PRKCG: variants seen among roughly 807,000 people sequenced by gnomAD.
The protein encoded by PRKCG is protein kinase C gamma type.
A neutral mutation model predicts 82.0 loss-of-function variants in PRKCG; 28 were observed. The observed-to-expected ratio is 0.34, with a 90% CI of 0.25 to 0.47. The LOEUF is 0.47. PRKCG is among the 20% of genes least tolerant of loss of function. The pLI is 1.00. For missense variants in PRKCG, 640 were observed against 952.7 expected, an observed-to-expected ratio of 0.67 and a Z score of 4.32; for synonymous variants, 383 against 376.6, an observed-to-expected ratio of 1.02 and a Z score of -0.20.
rs955925871 is a variant in PRKCG at position 53,907,530 on chromosome 19, A to T, written c.*635A>T. 1 of 155,804 alleles carries T rather than the reference A, an allele frequency of 6.4e-6. No individual in the cohort carries two copies. Among genetic ancestry groups the T allele is most frequent in the African/African-American group, 2.4e-5 (1 of 41,148 alleles). 9.7% of individuals were successfully genotyped at this position (155,804 alleles called of 1,614,324 possible). On this transcript the variant is annotated 3_prime_UTR_variant, in exon 18 of 18. Coordinates refer to ENST00000263431, the MANE Select transcript of PRKCG (RefSeq NM_002739.5). ...CGTGCATGGCTCCTGTCTGGCTCGG[A>T]CCCACCCCAACTCTCCCCAGTGCCT...
In PRKCG at chr19:53,892,955, G is replaced by T. The variant is rs201381959; in HGVS notation, c.822-33G>T. On this transcript the variant is annotated intron_variant, in intron 7 of 17. Transcript: ENST00000263431. This position sits in a 1 kb window ranked among gnomAD's most constrained non-coding sequence, Gnocchi z 5.9. Reference sequence around the variant, plus strand: ...CCTCTCCCATGGGTGCCCCATCCCCGCTGCCCGCCTCTGGTCTCCGTCTGT... The same window carrying T: ...CCTCTCCCATGGGTGCCCCATCCCCTCTGCCCGCCTCTGGTCTCCGTCTGT... 1.9e-6 allele frequency: 3 copies of T among 1,600,506 alleles called. No individual in the cohort carries two copies. Among genetic ancestry groups the T allele is most frequent in the Non-Finnish European group, 2.6e-6 (3 of 1,168,686 alleles).
chr19:53,902,890 C>CAAAAAAAAAAAAA (rs56955659), intron 14 of PRKCG, among the ~76,000 whole-genome samples, 183 bp from the exon 15 acceptor site: 14 of 19,974 alleles, frequency 7.0e-4, no homozygotes, highest in African/African-American at 1.2e-3. Flanking sequence ...GAGACCCTGT[C>CAAAAAAAAAAAAA]AAAAAAAAAA....
chr19:53,891,001 C>T (rs548611885), intron 5 of PRKCG, among the ~76,000 whole-genome samples: 4 of 152,230 alleles, frequency 2.6e-5, no homozygotes, highest in South Asian at 4.1e-4. Context: ...ATCCGCCCGC[C>T]TCCGCCTCCC....
At position 53,902,890 on chromosome 19, in the gene PRKCG, CAAAAAAAAAAAA is replaced by C. The variant is rs56955659; in HGVS notation, c.1576-168_1576-157del. ...CCTGGGCAACAGAGTGAGACCCTGT[CAAAAAAAAAAAA>C]AAAAAAAAAAAAAACGAAACAAAAA... On this transcript the variant is annotated intron_variant, in intron 14 of 17. Transcript: ENST00000263431. Among the ~76,000 whole-genome samples the C allele has an allele frequency of 1.2e-3, 23 of 19,976 alleles. 1 individual carries two copies. The highest frequency in any genetic ancestry group is 2.9e-3 in the Admixed American group (4 of 1,382). The allele number at this position is 19,976 out of a possible 152,430, so 13.1% of individuals were successfully genotyped here.
chr19:53,891,841 G>A lies in PRKCG; in HGVS notation c.686+11G>A. On this transcript the variant is annotated intron_variant, in intron 6 of 17. Coordinates refer to ENST00000263431, the MANE Select transcript of PRKCG (RefSeq NM_002739.5). ...TGAGACCTTTGTGTTGTGAGTCTGG[G>A]GTGCAGGGAAGGCAATGACAGCTGA... is the stretch of plus-strand genomic sequence containing the variant. 6.2e-7 allele frequency: 1 copy of A among 1,613,938 alleles called. No individual in the cohort carries two copies. The highest frequency in any genetic ancestry group is 1.1e-5 in the South Asian group (1 of 91,074).
chr19:53,883,097 G>C lies in PRKCG; in HGVS notation c.171-66G>C. The C allele has an allele frequency of 2.5e-6, 4 of 1,596,730 alleles. No individual in the cohort carries two copies. Among genetic ancestry groups the C allele is most frequent in the Non-Finnish European group, 3.4e-6 (4 of 1,164,578 alleles). On this transcript the variant is annotated intron_variant, in intron 1 of 17. Transcript: ENST00000263431. The surrounding 1 kb of genome is among the most constrained non-coding windows in gnomAD (Gnocchi z 5.4). ...GGGTCAGAGAGCGCAGGCCCCCTGT[G>C]GCTCGCAGAGGTTGGGGGTCCAGGT... is the stretch of plus-strand genomic sequence containing the variant.
In PRKCG at chr19:53,882,266, G is replaced by C. The variant is rs757854018; in HGVS notation, c.-229G>C. ...CGTGCCTCCGGCTGCCGGCGCCCCTGCCTTTGGCTCTTCCTCCCCACTCGC... is the reference window on the plus strand; with the variant it reads ...CGTGCCTCCGGCTGCCGGCGCCCCTCCCTTTGGCTCTTCCTCCCCACTCGC... On this transcript the variant is annotated 5_prime_UTR_variant, in exon 1 of 18. Coordinates refer to ENST00000263431, the MANE Select transcript of PRKCG (RefSeq NM_002739.5). The surrounding 1 kb of genome is among the most constrained non-coding windows in gnomAD (Gnocchi z 6.1). 9.8e-6 allele frequency: 6 copies of C among 612,366 alleles called. No homozygotes were observed. The South Asian group carries it at 1.0e-4, about 10-fold the overall frequency. The allele number at this position is 612,366 out of a possible 1,614,324, so 37.9% of individuals were successfully genotyped here.
chr19:53,900,722 C>T lies in PRKCG; in HGVS notation c.1548C>T (p.Cys516=), dbSNP rs773242833. The T allele has an allele frequency of 4.3e-6, 7 of 1,614,078 alleles. No individual in the cohort carries two copies. Among genetic ancestry groups the T allele is most frequent in the Admixed American group, 3.3e-5 (2 of 60,008 alleles). ...CCGGGACGACAACCCGCACCTTCTG[C>T]GGGACCCCGGACTACATAGCCCCGG... is the stretch of plus-strand genomic sequence containing the variant. The part of the protein sequence containing the change: ...VFPGTTTRTF[C]GTPDYIAPEI... The change falls in exon 14 of 18, where the codon TGC becomes TGT. Residue 516 remains cysteine (C), a synonymous_variant. Coordinates refer to ENST00000263431, the MANE Select transcript of PRKCG (RefSeq NM_002739.5). The surrounding 1 kb of genome is among the most constrained non-coding windows in gnomAD (Gnocchi z 4.2).
chr19:53,893,335 C>T (rs1228826775), intron 8 of PRKCG, 27 bp from the exon 9 acceptor site: 1 of 1,610,168 alleles, frequency 6.2e-7, no homozygotes, highest in Non-Finnish European at 8.5e-7. Flanking sequence ...CTCTTGGGAC[C>T]CTGACTCTCT....
intron 11 of PRKCG, among the ~76,000 whole-genome samples, chr19:53,899,351 G>C (rs1568759640): frequency 6.6e-6 from 1 of 152,214 alleles, no homozygotes; most frequent in Non-Finnish European, 1.5e-5. Flanking sequence ...GGGCACAGTG[G>C]AGGAGGGTGC....
Position 53,884,298 on chromosome 19 carries a change from C to G in PRKCG, c.285+55C>G. 5 of 1,511,992 alleles carry G rather than the reference C, an allele frequency of 3.3e-6. No individual in the cohort carries two copies. The South Asian group carries it at 4.5e-5, about 14-fold the overall frequency. 93.7% of individuals were successfully genotyped at this position (1,511,992 alleles called of 1,614,324 possible). A position where few individuals can be genotyped will look rare whatever the true frequency, so the allele number is the denominator to read the frequency against. ...TCGGGCCGTGCCCCCGCCCTCACCC[C>G]CTCGGCGTCCGTCCCAATTTCTCCT... On this transcript the variant is annotated intron_variant, in intron 3 of 17. Coordinates refer to ENST00000263431, the MANE Select transcript of PRKCG (RefSeq NM_002739.5). This position sits in a 1 kb window ranked among gnomAD's most constrained non-coding sequence, Gnocchi z 4.6.
At position 53,883,635 on chromosome 19, in the gene PRKCG, G is replaced by C. The variant is rs900610761; in HGVS notation, c.202+441G>C. On this transcript the variant is annotated intron_variant, in intron 2 of 17. Transcript: ENST00000263431. The surrounding 1 kb of genome is among the most constrained non-coding windows in gnomAD (Gnocchi z 5.4). ...GGGCCGGGCGGGGCCGGCAGTTCTG[G>C]GGGGCGGGAGAGGGGGGCGAGTCCT... Among the ~76,000 whole-genome samples, 2 of 149,488 alleles carry C rather than the reference G, an allele frequency of 1.3e-5. No homozygotes were observed. The highest frequency in any genetic ancestry group is 4.9e-5 in the African/African-American group (2 of 40,668).
chr19:53,900,284 C>A lies in PRKCG; in HGVS notation c.1333C>A (p.His445Asn), dbSNP rs1311765439. The A allele has an allele frequency of 1.9e-6, 3 of 1,614,086 alleles. No individual in the cohort carries two copies. Among genetic ancestry groups the A allele is most frequent in the Non-Finnish European group, 2.5e-6 (3 of 1,180,030 alleles). Residue 445 changes from histidine to asparagine, a missense_variant, in exon 12 of 18, where the codon CAC (histidine) becomes AAC (asparagine). His to Asn is a moderately conservative substitution (Grantham distance 68). Around this residue, in one of 7 missense-constraint regions of PRKCG, gnomAD observed 78 missense variants for 105.6 expected, o/e 0.74. Coordinates refer to ENST00000263431, the MANE Select transcript of PRKCG (RefSeq NM_002739.5). This position sits in a 1 kb window ranked among gnomAD's most constrained non-coding sequence, Gnocchi z 4.2. ...CGTCACCGGGGGAGACTTGATGTAC[C>A]ACATTCAACAGCTGGGCAAGTTTAA... ...EYVTGGDLMYHIQQLGKFKEP... is the reference protein window; with the variant it reads ...EYVTGGDLMYNIQQLGKFKEP...
Position 53,902,905 on chromosome 19 carries a change from A to AAC in PRKCG, c.1576-167_1576-166insCA, listed in dbSNP as rs1258090741. On this transcript the variant is annotated intron_variant, in intron 14 of 17. Transcript: ENST00000263431. ...GAGACCCTGTCAAAAAAAAAAAAAAAAAAAAAAAAAACGAAACAAAAAATC... is the reference window on the plus strand; with the variant it reads ...GAGACCCTGTCAAAAAAAAAAAAAAAACAAAAAAAAAAACGAAACAAAAAATC... Among the ~76,000 whole-genome samples, 349 of 150,994 alleles carry AAC rather than the reference A, an allele frequency of 2.3e-3. 3 individuals are homozygous for AAC. Among genetic ancestry groups the AAC allele is most frequent in the African/African-American group, 8.1e-3 (331 of 40,852 alleles).
Position 53,892,044 on chromosome 19 carries a change from C to T in PRKCG, c.686+214C>T, listed in dbSNP as rs2068680413. 6.6e-6 allele frequency among the ~76,000 whole-genome samples: 1 copy of T among 152,038 alleles called. No homozygotes were observed. Among genetic ancestry groups the T allele is most frequent in the Non-Finnish European group, 1.5e-5 (1 of 67,990 alleles). On this transcript the variant is annotated intron_variant, in intron 6 of 17. Transcript: ENST00000263431. The surrounding 1 kb of genome is among the most constrained non-coding windows in gnomAD (Gnocchi z 5.9). ...AGCCAGACCACTGTATAATTAGTCTCCATTGAAGCCCCCAACTTTAGAGTT... is the reference window on the plus strand; with the variant it reads ...AGCCAGACCACTGTATAATTAGTCTTCATTGAAGCCCCCAACTTTAGAGTT...
chr19:53,906,934 C>T lies in PRKCG; in HGVS notation c.*39C>T, dbSNP rs776490487. On this transcript the variant is annotated 3_prime_UTR_variant, in exon 18 of 18. Transcript: ENST00000263431. ...CACTAGGTGTCCCCAACGTCCCCTCCGCCGTGCCGGCGGCAGCCCCACTTC... is the reference window on the plus strand; with the variant it reads ...CACTAGGTGTCCCCAACGTCCCCTCTGCCGTGCCGGCGGCAGCCCCACTTC... 1.9e-6 allele frequency: 3 copies of T among 1,612,506 alleles called. No individual in the cohort carries two copies. Among genetic ancestry groups the T allele is most frequent in the South Asian group, 1.1e-5 (1 of 91,076 alleles).
In PRKCG at chr19:53,892,762, ACACACACACACACACACACG is replaced by A. The variant is rs1028323583; in HGVS notation, c.821+129_821+148del. On this transcript the variant is annotated intron_variant, in intron 7 of 17. Transcript: ENST00000263431. This position sits in a 1 kb window ranked among gnomAD's most constrained non-coding sequence, Gnocchi z 5.9. ...TGCCTCCCAGCATGCGCACACACAC[ACACACACACACACACACACG>A]CACACACACGCACACACCCCTCTCT... 3.7e-6 allele frequency: 4 copies of A among 1,090,022 alleles called. No homozygotes were observed. The African/African-American group carries it at 4.8e-5, about 13-fold the overall frequency. 67.5% of individuals were successfully genotyped at this position (1,090,022 alleles called of 1,614,324 possible).
At chr19:53,893,515 G>T (rs1342612510) in intron 9 of PRKCG, 124 bp downstream of exon 9, 2 of 1,077,270 alleles carry the variant, frequency 1.9e-6, no homozygotes, top group Non-Finnish European at 2.8e-6. Flanking sequence ...TGCTAGGCCT[G>T]TCTTGTGCTT....
Position 53,907,139 on chromosome 19 carries a change from C to A in PRKCG, c.*244C>A. ...AGCCCGATATTCTCCCTGACCTTAG[C>A]GTTCTGGACTCTGCCCCAATCGGGT... is the stretch of plus-strand genomic sequence containing the variant. On this transcript the variant is annotated 3_prime_UTR_variant, in exon 18 of 18. Coordinates refer to ENST00000263431, the MANE Select transcript of PRKCG (RefSeq NM_002739.5). The A allele has an allele frequency of 1.2e-6, 1 of 868,132 alleles. No homozygotes were observed. Among genetic ancestry groups the A allele is most frequent in the Non-Finnish European group, 1.7e-6 (1 of 582,918 alleles). 53.8% of individuals were successfully genotyped at this position (868,132 alleles called of 1,614,324 possible).
Sources: gnomAD v4.1 joint callset for allele counts (sites outside exome capture counted in the v4.1 genomes callset) on GRCh38, gnomAD v4.1.1 for gene constraint, gnomAD v4.1.1 regional missense constraint, Gnocchi (gnomAD v3.1) non-coding constraint, MANE v1.5 for transcripts, NCBI Gene and HGNC (gene_info 2026-07-23, HGNC 2026-07-21) for gene names.